Variants in KCNB2 observed in about 807,000 individuals in gnomAD.
The protein encoded by KCNB2 is delayed rectifier potassium channel protein.
Under a neutral mutation model 61.5 loss-of-function variants are expected in KCNB2, and 15 were observed. That is an observed-to-expected ratio of 0.24 (90% CI 0.16 to 0.38). The LOEUF (loss-of-function observed/expected upper bound fraction) is 0.38. Ranked by LOEUF, KCNB2 falls within the 10% of genes least tolerant of loss-of-function variation. The pLI is 1.00. For missense variants in KCNB2, 828 were observed against 1,125.2 expected (o/e 0.74, Z 3.78); for synonymous variants, 457 against 446.0 (o/e 1.02, Z -0.31).
chr8:72,759,573 G>A (rs1808344321), intron 2 of KCNB2, among the ~76,000 whole-genome samples: 1 of 152,164 alleles, frequency 6.6e-6, no homozygotes, highest in Non-Finnish European at 1.5e-5. Flanking sequence ...CTTTTTGTGG[G>A]ATGAATTAAC....
At chr8:72,836,709 G>A (rs780742679) in intron 2 of KCNB2, among the ~76,000 whole-genome samples, 10 of 152,122 alleles carry the variant, frequency 6.6e-5, no homozygotes, top group East Asian at 1.9e-4. Flanking sequence ...TCAGGAGTTC[G>A]AGACCAGCCT....
intron 2 of KCNB2, chr8:72,618,871 A>G (rs1305255553): frequency 7.2e-6 from 2 of 277,044 alleles, no homozygotes; most frequent in South Asian, 4.3e-5. Context: ...GGTATGGTCT[A>G]TCGTTTTAAC....
chr8:72,670,734 A>G (rs1806549598), intron 2 of KCNB2, among the ~76,000 whole-genome samples: 1 of 152,236 alleles, frequency 6.6e-6, no homozygotes, highest in African/African-American at 2.4e-5. Context: ...GCTTTAAGGT[A>G]TATCTCCCAG....
At chr8:72,711,357 C>T (rs529648982) in intron 2 of KCNB2, among the ~76,000 whole-genome samples, 1 of 152,330 alleles carries the variant, frequency 6.6e-6, no homozygotes, top group East Asian at 1.9e-4. Flanking sequence ...ACTCCCATGC[C>T]ATGCCTGCAT....
At chr8:72,827,764 A>G (rs72670032) in intron 2 of KCNB2, among the ~76,000 whole-genome samples, 4,494 of 152,258 alleles carry the variant, frequency 0.03, 87 homozygotes, top group Admixed American at 0.042. Context: ...GATGTAAGGG[A>G]TAATATGAAA....
intron 2 of KCNB2, among the ~76,000 whole-genome samples, chr8:72,883,122 G>C (rs552820549): frequency 6.6e-6 from 1 of 152,184 alleles, no homozygotes; most frequent in Non-Finnish European, 1.5e-5. Flanking sequence ...TCTCTGCAAG[G>C]CCAGATGGTT....
intron 2 of KCNB2, among the ~76,000 whole-genome samples, chr8:72,581,490 A>G (rs1806896345): frequency 1.3e-5 from 2 of 152,216 alleles, no homozygotes; most frequent in African/African-American, 4.8e-5. Flanking sequence ...CTGTGCCTCC[A>G]AATGACACAG....
intron 2 of KCNB2, among the ~76,000 whole-genome samples, chr8:72,798,028 C>A (rs1345502348): frequency 6.6e-6 from 1 of 152,160 alleles, no homozygotes; most frequent in African/African-American, 2.4e-5. Context: ...TCTTCATATA[C>A]AACACTGAAC....
intron 2 of KCNB2, among the ~76,000 whole-genome samples, chr8:72,842,443 C>T (rs1809909198): frequency 6.6e-6 from 1 of 152,116 alleles, no homozygotes; most frequent in African/African-American, 2.4e-5. Context: ...ATGATGCTGG[C>T]CTCATAAAAT....
At chr8:72,842,395 C>CT (rs1395807191) in intron 2 of KCNB2, among the ~76,000 whole-genome samples, 1 of 152,080 alleles carries the variant, frequency 6.6e-6, no homozygotes, top group South Asian at 2.1e-4. Flanking sequence ...CTGAAATTTT[C>CT]TTTTTTTGTT....
intron 1 of KCNB2, among the ~76,000 whole-genome samples, chr8:72,566,531 CT>C (rs1806627851): frequency 2.4e-5 from 1 of 41,192 alleles, no homozygotes; most frequent in African/African-American, 1.8e-4. Context: ...GAGACCCTGT[CT>C]CTAAAAAAAA....
At chr8:72,817,922 A>G (rs995156948) in intron 2 of KCNB2, among the ~76,000 whole-genome samples, 1 of 152,190 alleles carries the variant, frequency 6.6e-6, no homozygotes, top group African/African-American at 2.4e-5. Context: ...CTTCAAACCA[A>G]TAAAGTGTTT....
chr8:72,617,260 C>T (rs1202152455), intron 2 of KCNB2, among the ~76,000 whole-genome samples: 1 of 152,120 alleles, frequency 6.6e-6, no homozygotes, highest in Non-Finnish European at 1.5e-5. Flanking sequence ...GATAGTTTCC[C>T]ACCTGGTGTC....
intron 2 of KCNB2, among the ~76,000 whole-genome samples, chr8:72,643,452 GTTTC>G (rs1208796435): frequency 6.6e-6 from 1 of 152,044 alleles, no homozygotes; most frequent in Non-Finnish European, 1.5e-5. Flanking sequence ...TTACCTTAAA[GTTTC>G]TTTCTGCCCA....
chr8:72,610,286 G>T (rs1338443665), intron 2 of KCNB2, among the ~76,000 whole-genome samples: 1 of 152,132 alleles, frequency 6.6e-6, no homozygotes, highest in African/African-American at 2.4e-5. Context: ...GCTTAAATCA[G>T]TGGGATTTCT....
At chr8:72,849,955 A>G (rs922859552) in intron 2 of KCNB2, among the ~76,000 whole-genome samples, 1 of 152,112 alleles carries the variant, frequency 6.6e-6, no homozygotes, top group African/African-American at 2.4e-5. Context: ...CCATTTGTCA[A>G]ACAGAATCAT....
intron 2 of KCNB2, among the ~76,000 whole-genome samples, chr8:72,586,068 C>T (rs554016162): frequency 2.3e-4 from 35 of 152,218 alleles, no homozygotes; most frequent in African/African-American, 6.5e-4. Context: ...GATGTTTTTC[C>T]GTGTGGAGAA....
chr8:72,787,831 AT>A (rs1808868769), intron 2 of KCNB2, among the ~76,000 whole-genome samples: 1 of 152,018 alleles, frequency 6.6e-6, no homozygotes, highest in African/African-American at 2.4e-5. Context: ...TTTTTTACTG[AT>A]TTTCTCACTT....
At chr8:72,617,810 G>A (rs1054521871) in intron 2 of KCNB2, among the ~76,000 whole-genome samples, 7 of 152,070 alleles carry the variant, frequency 4.6e-5, no homozygotes, top group African/African-American at 1.7e-4. Flanking sequence ...CGCCGGCCCC[G>A]GCCCCAAGTA....
Sources: gnomAD v4.1 joint callset for allele counts (sites outside exome capture counted in the v4.1 genomes callset) on GRCh38, gnomAD v4.1.1 for gene constraint, MANE v1.5 for transcripts, NCBI Gene and HGNC (gene_info 2026-07-23, HGNC 2026-07-21) for gene names.